Variants in NBAS observed in about 807,000 individuals in gnomAD.
NBAS encodes the protein NBAS subunit of NRZ tethering complex.
A neutral mutation model predicts 302.5 loss-of-function variants in NBAS; 219 were observed. The observed-to-expected ratio is 0.72, with a 90% CI of 0.65 to 0.81. The LOEUF (loss-of-function observed/expected upper bound fraction) is 0.81, where lower values mean the gene tolerates loss of function less well. Among genes scored for constraint, NBAS ranks in the 30% least tolerant of loss-of-function variants. The pLI, the probability that NBAS is intolerant of heterozygous loss-of-function variation, is 0.00. For missense variants in NBAS, 2,932 were observed against 2,841.6 expected (o/e 1.03, Z -0.72); for synonymous variants, 1,118 against 1,021.6 (o/e 1.09, Z -1.80).
chr2:15,032,601 A>G, the NBAS span, among the ~76,000 whole-genome samples: 2 of 152,230 alleles, frequency 1.3e-5, no homozygotes, highest in African/African-American at 4.8e-5. Flanking sequence ...GCAAGAAGGA[A>G]CTAGAACTTA....
intron 21 of NBAS, among the ~76,000 whole-genome samples, chr2:15,429,928 T>C (rs1677677472): frequency 6.6e-6 from 1 of 152,154 alleles, no homozygotes; most frequent in Admixed American, 6.5e-5. Flanking sequence ...GTAAAAAAGA[T>C]AACATCTGGA....
intron 46 of NBAS, 62 bp downstream of exon 46, chr2:15,234,483 T>G: frequency 6.5e-7 from 1 of 1,529,960 alleles, no homozygotes; most frequent in Non-Finnish European, 9.0e-7. Flanking sequence ...GGATGACAGT[T>G]TAGCACCATC....
At chr2:15,378,147 C>T (rs1251798442) in intron 30 of NBAS, among the ~76,000 whole-genome samples, 2 of 152,270 alleles carry the variant, frequency 1.3e-5, no homozygotes, top group East Asian at 1.9e-4. Flanking sequence ...TGAGAGATTA[C>T]ATGACAAACT....
the NBAS span, among the ~76,000 whole-genome samples, chr2:15,006,098 A>G: frequency 2.6e-5 from 4 of 152,354 alleles, no homozygotes; most frequent in East Asian, 5.8e-4. Context: ...TAGTGACTCA[A>G]TAAGTTTACA....
the NBAS span, among the ~76,000 whole-genome samples, chr2:15,118,122 G>T: frequency 6.6e-6 from 1 of 152,212 alleles, no homozygotes; most frequent in African/African-American, 2.4e-5. Flanking sequence ...CAGCTATCCA[G>T]AAAGCCTATC....
chr2:14,900,811 A>G, the NBAS span, among the ~76,000 whole-genome samples: 7 of 152,244 alleles, frequency 4.6e-5, no homozygotes, highest in Admixed American at 4.6e-4. Flanking sequence ...CAAAGGAAGC[A>G]GAAGAACTTC....
At chr2:14,850,105 A>C in the NBAS span, among the ~76,000 whole-genome samples, 1 of 136,260 alleles carries the variant, frequency 7.3e-6, no homozygotes, top group Non-Finnish European at 1.5e-5. Flanking sequence ...AAATGGACTA[A>C]ATTCTCCAAT....
chr2:15,124,002 T>C, the NBAS span, among the ~76,000 whole-genome samples: 1 of 152,182 alleles, frequency 6.6e-6, no homozygotes, highest in Non-Finnish European at 1.5e-5. Context: ...TTGGAACTTC[T>C]TCGAGATCAG....
At chr2:15,248,267 C>T (rs773835130) in intron 44 of NBAS, among the ~76,000 whole-genome samples, 2 of 152,136 alleles carry the variant, frequency 1.3e-5, no homozygotes, top group African/African-American at 4.8e-5. Context: ...AGAACAAAGA[C>T]ACAATGTACC....
At chr2:15,061,766 T>G in the NBAS span, among the ~76,000 whole-genome samples, 1 of 152,226 alleles carries the variant, frequency 6.6e-6, no homozygotes, top group African/African-American at 2.4e-5. Context: ...TGTCAGTGTG[T>G]TCATGGGAAC....
the NBAS span, among the ~76,000 whole-genome samples, chr2:14,897,627 TC>T: frequency 1.3e-5 from 2 of 150,664 alleles, no homozygotes; most frequent in African/African-American, 2.4e-5. Context: ...TTTTTTTTTT[TC>T]CAAAGACAGC....
At chr2:14,833,041 C>T in the NBAS span, among the ~76,000 whole-genome samples, 13 of 152,278 alleles carry the variant, frequency 8.5e-5, no homozygotes, top group East Asian at 1.2e-3. Context: ...GTCTAAAGCA[C>T]GTATTTCTTT....
At chr2:15,052,112 C>A in the NBAS span, among the ~76,000 whole-genome samples, 3 of 152,194 alleles carry the variant, frequency 2.0e-5, 1 homozygote, top group South Asian at 6.2e-4. Context: ...TAGTGTTCAA[C>A]ATAGACAGTG....
chr2:14,894,716 A>G, the NBAS span, among the ~76,000 whole-genome samples: 1 of 152,318 alleles, frequency 6.6e-6, no homozygotes, highest in East Asian at 1.9e-4. Flanking sequence ...TAAGTCCTTA[A>G]TTCCACAGCA....
chr2:14,815,438 C>T, the NBAS span, among the ~76,000 whole-genome samples: 3 of 152,192 alleles, frequency 2.0e-5, no homozygotes, highest in Non-Finnish European at 2.9e-5. Flanking sequence ...GGCACTCACA[C>T]TTTGTTGTCA....
intron 51 of NBAS, chr2:15,178,199 T>C (rs943964268): frequency 4.3e-6 from 2 of 468,390 alleles, no homozygotes; most frequent in East Asian, 7.0e-5. Context: ...CATGTGTATA[T>C]ATACATATAT....
At chr2:15,395,571 G>A (rs2148413502) in intron 27 of NBAS, among the ~76,000 whole-genome samples, 1 of 152,124 alleles carries the variant, frequency 6.6e-6, no homozygotes, top group East Asian at 1.9e-4. Context: ...ATATTACGGT[G>A]CACAAAAACA....
At chr2:15,309,866 T>G in intron 38 of NBAS, among the ~76,000 whole-genome samples, 1 of 152,196 alleles carries the variant, frequency 6.6e-6, no homozygotes, top group Non-Finnish European at 1.5e-5. Context: ...AGCTTTAACA[T>G]AAGAGTATGC....
At chr2:14,787,830 G>T in the NBAS span, among the ~76,000 whole-genome samples, 4 of 152,130 alleles carry the variant, frequency 2.6e-5, no homozygotes, top group Admixed American at 2.0e-4. Context: ...GAGTATCTTT[G>T]TGGCATTCTC....
Sources: allele counts gnomAD v4.1 joint callset (sites outside exome capture counted in the v4.1 genomes callset), GRCh38; gene constraint gnomAD v4.1.1; transcripts MANE v1.5; gene names NCBI Gene and HGNC (gene_info 2026-07-23, HGNC 2026-07-21).